Variants in KIF16B observed in about 807,000 individuals in gnomAD.
KIF16B encodes the protein kinesin-like protein KIF16B.
Under a neutral mutation model 156.3 loss-of-function variants are expected in KIF16B, and 98 were observed. That is an observed-to-expected ratio of 0.63 (90% CI 0.53 to 0.74). The LOEUF is 0.74. KIF16B is among the 30% of genes least tolerant of loss of function. KIF16B has a pLI of 0.00. For missense variants in KIF16B, 1,421 were observed against 1,606.5 expected (o/e 0.88, Z 1.97); for synonymous variants, 564 against 583.7 (o/e 0.97, Z 0.49).
At chr20:16,475,842 A>G (rs1763744015) in intron 12 of KIF16B, among the ~76,000 whole-genome samples, 1 of 152,368 alleles carries the variant, frequency 6.6e-6, no homozygotes, top group East Asian at 1.9e-4. Context: ...GTAAGATATT[A>G]CCCTGGTACT....
rs563887713 is a variant in KIF16B at position 16,287,861 on chromosome 20, C to T, written c.3796-14450G>A. On this transcript the variant is annotated intron_variant, in intron 25 of 25. Transcript: ENST00000354981. ...GTGGAAAGAGAAGAATTGAGTTTAT[C>T]TTGCACCTGTGGACCAGAAGTGAGG... Among the ~76,000 whole-genome samples, 15 of 152,286 alleles carry T rather than the reference C, an allele frequency of 9.8e-5. 1 individual carries two copies. In the East Asian group the frequency reaches 2.1e-3, roughly 22 times the overall value.
At chr20:16,385,985 C>A (rs192917216) in intron 17 of KIF16B, among the ~76,000 whole-genome samples, 1 of 152,168 alleles carries the variant, frequency 6.6e-6, no homozygotes, top group Non-Finnish European at 1.5e-5. Flanking sequence ...CTCAGTTTTA[C>A]ACTTATAGAA....
At chr20:16,497,591 T>C (rs1232167913) in intron 11 of KIF16B, 22 bp downstream of exon 11, 7 of 1,569,558 alleles carry the variant, frequency 4.5e-6, no homozygotes, top group Non-Finnish European at 6.1e-6. Context: ...GATTTAAAAA[T>C]ATAAGTCAAA....
intron 17 of KIF16B, among the ~76,000 whole-genome samples, chr20:16,384,102 A>G (rs573683132): frequency 6.6e-6 from 1 of 152,328 alleles, no homozygotes; most frequent in Admixed American, 6.5e-5. Flanking sequence ...AACCACTACA[A>G]CTGTTGCTAC....
chr20:16,344,185 G>GGAA (rs1178620724), intron 23 of KIF16B, among the ~76,000 whole-genome samples: 1 of 152,206 alleles, frequency 6.6e-6, no homozygotes, highest in African/African-American at 2.4e-5. Flanking sequence ...GTATGAATCT[G>GGAA]TATAGTAACA....
chr20:16,400,033 GACC>G (rs1174214539), intron 17 of KIF16B, among the ~76,000 whole-genome samples: 1 of 152,212 alleles, frequency 6.6e-6, no homozygotes, highest in African/African-American at 2.4e-5. Context: ...AAGGATGAAT[GACC>G]ATGCTGCTCC....
chr20:16,285,981 T>C (rs1433252952), intron 25 of KIF16B, among the ~76,000 whole-genome samples: 1 of 152,222 alleles, frequency 6.6e-6, no homozygotes, highest in Non-Finnish European at 1.5e-5. Flanking sequence ...AAGTACATAG[T>C]TTCTCATTCT....
rs778323841 is a variant in KIF16B, at chr20:16,312,427, G to C, written c.3712-9C>G. Reference sequence around the variant, plus strand: ...AATTCAAGGGCAGCAAGCTGAAATAGACATTTTAAAAGACATGCATTAATA... The same window carrying C: ...AATTCAAGGGCAGCAAGCTGAAATACACATTTTAAAAGACATGCATTAATA... On this transcript the variant is annotated splice_polypyrimidine_tract_variant and intron_variant, in intron 24 of 25. Coordinates refer to ENST00000354981, the MANE Select transcript of KIF16B (RefSeq NM_024704.5). 10 of 1,600,790 alleles carry C rather than the reference G, an allele frequency of 6.2e-6. No homozygotes were observed. In the Admixed American group the frequency reaches 1.0e-4, roughly 16 times the overall value.
intron 25 of KIF16B, among the ~76,000 whole-genome samples, chr20:16,284,176 C>T (rs990739644): frequency 6.6e-6 from 1 of 152,160 alleles, no homozygotes; most frequent in Non-Finnish European, 1.5e-5. Flanking sequence ...GGGACAAGAA[C>T]AGCTAGCTAA....
At chr20:16,393,313 C>A (rs80287720) in intron 17 of KIF16B, among the ~76,000 whole-genome samples, 3,161 of 147,926 alleles carry the variant, frequency 0.021, 115 homozygotes, top group African/African-American at 0.074. Context: ...GGAGTAACTA[C>A]CTATTTAAAA....
intron 24 of KIF16B, among the ~76,000 whole-genome samples, chr20:16,318,773 C>T: frequency 6.6e-6 from 1 of 152,148 alleles, no homozygotes; most frequent in African/African-American, 2.4e-5. Flanking sequence ...GGTAACTCAA[C>T]TATCAATTCA....
intron 25 of KIF16B, among the ~76,000 whole-genome samples, chr20:16,293,922 GC>G (rs377009289): frequency 3.3e-5 from 5 of 151,680 alleles, no homozygotes; most frequent in South Asian, 4.2e-4. Context: ...GAGAGGGGCT[GC>G]GGGGGGTGCA....
intron 12 of KIF16B, among the ~76,000 whole-genome samples, chr20:16,448,281 G>A (rs1255689572): frequency 6.6e-6 from 1 of 152,120 alleles, no homozygotes; most frequent in Non-Finnish European, 1.5e-5. Flanking sequence ...AAAGAAGAGA[G>A]TTTTTCATGC....
At chr20:16,422,524 T>C (rs983718352) in intron 15 of KIF16B, among the ~76,000 whole-genome samples, 6 of 152,020 alleles carry the variant, frequency 3.9e-5, no homozygotes, top group Admixed American at 6.6e-5. Flanking sequence ...CAGAGAACTA[T>C]TCCAAAATAG....
chr20:16,408,372 T>A (rs998637158), intron 15 of KIF16B, among the ~76,000 whole-genome samples: 3 of 152,116 alleles, frequency 2.0e-5, no homozygotes, highest in Non-Finnish European at 4.4e-5. Context: ...TTTTTTCCAA[T>A]TATGGCAAGA....
At chr20:16,280,867 T>TGTGTGCGC (rs758721339) in intron 25 of KIF16B, among the ~76,000 whole-genome samples, 85 of 150,898 alleles carry the variant, frequency 5.6e-4, no homozygotes, top group East Asian at 2.4e-3. Context: ...TGTGTGTGTG[T>TGTGTGCGC]GCGCAGAAAA....
At position 16,362,738 on chromosome 20, in the gene KIF16B, C is replaced by T. The variant is rs543413881; in HGVS notation, c.3499-6286G>A. Among the ~76,000 whole-genome samples the T allele has an allele frequency of 1.1e-4, 17 of 152,246 alleles. No homozygotes were observed. The South Asian group carries it at 3.3e-3, about 30-fold the overall frequency. ...TTTCCAAATCTGAAATGGAGTTCCA[C>T]GTGAATTCCTACATTCCAGTAGGAT... On this transcript the variant is annotated intron_variant, in intron 22 of 25. Transcript: ENST00000354981.
intron 12 of KIF16B, among the ~76,000 whole-genome samples, chr20:16,452,132 A>G (rs1319128214): frequency 1.3e-5 from 2 of 152,170 alleles, no homozygotes; most frequent in African/African-American, 4.8e-5. Flanking sequence ...GCTCAGGCTC[A>G]GTAGGAACTG....
chr20:16,281,235 A>G (rs996008884), intron 25 of KIF16B, among the ~76,000 whole-genome samples: 4 of 152,184 alleles, frequency 2.6e-5, no homozygotes, highest in African/African-American at 9.7e-5. Context: ...CCACCTTTCC[A>G]TAGTGACATA....
Sources: allele counts gnomAD v4.1 joint callset (sites outside exome capture counted in the v4.1 genomes callset), GRCh38; gene constraint gnomAD v4.1.1; transcripts MANE v1.5; gene names NCBI Gene and HGNC (gene_info 2026-07-23, HGNC 2026-07-21).